The following NCKAP5 variants were observed in gnomAD, a reference collection of about 807,000 sequenced individuals.
NCKAP5 encodes nck-associated protein 5.
A neutral mutation model predicts 167.0 loss-of-function variants in NCKAP5; 92 were observed. That is an observed-to-expected ratio of 0.55 (90% CI 0.47 to 0.66). The LOEUF (loss-of-function observed/expected upper bound fraction) is 0.66. Ranked by LOEUF, NCKAP5 falls within the 30% of genes least tolerant of loss-of-function variation. The pLI is 0.00. For synonymous variants in NCKAP5, 891 were observed against 877.4 expected, an observed-to-expected ratio of 1.02 and a Z score of -0.27; for missense variants, 2,378 against 2,315.0, an observed-to-expected ratio of 1.03 and a Z score of -0.56.
At chr2:133,076,190 C>T (rs2149574564) in intron 6 of NCKAP5, among the ~76,000 whole-genome samples, 1 of 152,230 alleles carries the variant, frequency 6.6e-6, no homozygotes, top group African/African-American at 2.4e-5. Context: ...TAAAAACCTA[C>T]TTATAGTTCT....
At chr2:133,391,072 A>G (rs971515147) in intron 3 of NCKAP5, 1 of 152,044 alleles carries the variant, frequency 6.6e-6, no homozygotes, top group Non-Finnish European at 1.5e-5. Context: ...CAGCCCTCCT[A>G]TTCTTTCCAC....
rs1323225925 is a variant in NCKAP5 at position 132,726,444 on chromosome 2, G to A, written c.5581-685C>T. ...TTCAGAAATTGCTGAGGCGGTTGAC[G>A]CTGTATGAACAGTATTCCCCTCTGT... On this transcript the variant is annotated intron_variant, in intron 18 of 19. Transcript: ENST00000409261. 3.3e-5 allele frequency among the ~76,000 whole-genome samples: 5 copies of A among 152,270 alleles called. No homozygotes were observed. The East Asian group carries it at 7.7e-4, about 24-fold the overall frequency.
chr2:133,069,605 C>T (rs1028230021), intron 6 of NCKAP5, among the ~76,000 whole-genome samples: 26 of 152,272 alleles, frequency 1.7e-4, no homozygotes, highest in Middle Eastern at 3.4e-3. Context: ...CTTTTAGTTC[C>T]TATCATTGTA....
At chr2:133,210,476 G>A (rs1445620011) in intron 5 of NCKAP5, among the ~76,000 whole-genome samples, 1 of 152,058 alleles carries the variant, frequency 6.6e-6, no homozygotes, top group East Asian at 1.9e-4. Context: ...ACTGTAAACA[G>A]TAGTCTCTAA....
chr2:132,975,560 G>A (rs909846513), intron 7 of NCKAP5, among the ~76,000 whole-genome samples: 1 of 152,154 alleles, frequency 6.6e-6, no homozygotes, highest in African/African-American at 2.4e-5. Context: ...AAACTCTACT[G>A]TGGAATAGAA....
intron 6 of NCKAP5, among the ~76,000 whole-genome samples, chr2:133,043,764 C>T (rs533186387): frequency 7.4e-4 from 112 of 152,202 alleles, no homozygotes; most frequent in African/African-American, 2.5e-3. Context: ...TTTCCCCATC[C>T]GTCATGAGGG....
At chr2:133,249,212 G>C (rs111372008) in intron 4 of NCKAP5, among the ~76,000 whole-genome samples, 2 of 152,168 alleles carry the variant, frequency 1.3e-5, no homozygotes, top group African/African-American at 4.8e-5. Flanking sequence ...TTGAGATGGG[G>C]AAGTTATCCT....
intron 7 of NCKAP5, among the ~76,000 whole-genome samples, chr2:132,974,293 A>G (rs2076915095): frequency 1.3e-5 from 2 of 152,362 alleles, no homozygotes; most frequent in East Asian, 1.9e-4. Context: ...TCATAGCAAC[A>G]ATATAAAAAG....
intron 3 of NCKAP5, among the ~76,000 whole-genome samples, chr2:133,360,590 G>A (rs1685032797): frequency 6.6e-6 from 1 of 152,070 alleles, no homozygotes; most frequent in Non-Finnish European, 1.5e-5. Flanking sequence ...GACAGCAAAG[G>A]AGTCCTTTCA....
At chr2:133,079,080 C>T (rs2080714021) in intron 6 of NCKAP5, among the ~76,000 whole-genome samples, 1 of 152,184 alleles carries the variant, frequency 6.6e-6, no homozygotes, top group Non-Finnish European at 1.5e-5. Context: ...CACAAACTCA[C>T]TGACACCAGG....
At chr2:132,968,467 G>T (rs2076733002) in intron 7 of NCKAP5, among the ~76,000 whole-genome samples, 1 of 152,134 alleles carries the variant, frequency 6.6e-6, no homozygotes, top group Admixed American at 6.5e-5. Flanking sequence ...GAACTTTCTG[G>T]GAAAATCATT....
chr2:133,283,748 T>C (rs2090010302), intron 4 of NCKAP5, among the ~76,000 whole-genome samples: 2 of 151,948 alleles, frequency 1.3e-5, no homozygotes, highest in South Asian at 2.1e-4. Context: ...GTAGCTGGAA[T>C]TACAGGCACC....
At chr2:132,847,650 C>T (rs1318687123) in intron 11 of NCKAP5, among the ~76,000 whole-genome samples, 2 of 151,998 alleles carry the variant, frequency 1.3e-5, no homozygotes, top group African/African-American at 4.8e-5. Context: ...ATGTAACTTA[C>T]TGAACATTTT....
chr2:133,585,086 T>A, the NCKAP5 span, among the ~76,000 whole-genome samples: 1 of 152,138 alleles, frequency 6.6e-6, no homozygotes, highest in Non-Finnish European at 1.5e-5. Flanking sequence ...TGGGCTATAG[T>A]AATCATTTCA....
chr2:133,175,420 T>C (rs772082130), intron 5 of NCKAP5, among the ~76,000 whole-genome samples: 24 of 152,326 alleles, frequency 1.6e-4, no homozygotes, highest in Middle Eastern at 6.8e-3. Flanking sequence ...AGAACGTTTT[T>C]CTGTACTAGG....
intron 16 of NCKAP5, among the ~76,000 whole-genome samples, chr2:132,754,092 C>G (rs1178800728): frequency 6.6e-6 from 1 of 152,166 alleles, no homozygotes; most frequent in Non-Finnish European, 1.5e-5. Flanking sequence ...GGCTTTGTGA[C>G]CTGCTGCTGC....
At chr2:133,437,777 C>T (rs1375015360) in intron 3 of NCKAP5, among the ~76,000 whole-genome samples, 1 of 152,138 alleles carries the variant, frequency 6.6e-6, no homozygotes, top group Non-Finnish European at 1.5e-5. Flanking sequence ...TTAAACTCTC[C>T]AAGCCTGCTT....
At chr2:132,835,424 C>T (rs534904460) in intron 11 of NCKAP5, among the ~76,000 whole-genome samples, 1 of 152,264 alleles carries the variant, frequency 6.6e-6, no homozygotes, top group African/African-American at 2.4e-5. Flanking sequence ...GGTTTCCTGC[C>T]TTCTCCTGAG....
At chr2:132,780,090 A>G (rs1682890303) in intron 15 of NCKAP5, among the ~76,000 whole-genome samples, 1 of 152,240 alleles carries the variant, frequency 6.6e-6, no homozygotes, top group African/African-American at 2.4e-5. Context: ...GTAATTTTAA[A>G]ACAAAAATAT....
Sources: gnomAD v4.1 joint callset for allele counts (sites outside exome capture counted in the v4.1 genomes callset) on GRCh38, gnomAD v4.1.1 for gene constraint, MANE v1.5 for transcripts, NCBI Gene and HGNC (gene_info 2026-07-23, HGNC 2026-07-21) for gene names.